Variants in DCAF10 observed in about 807,000 individuals in gnomAD.
DCAF10 encodes the protein DDB1 and CUL4 associated factor 10.
DCAF10 carries 19 observed loss-of-function variants against 51.9 expected under a neutral mutation model. The ratio of observed to expected loss-of-function variants is 0.37; its 90% CI spans 0.26 to 0.54. The LOEUF (loss-of-function observed/expected upper bound fraction) is 0.54, where lower values mean the gene tolerates loss of function less well. DCAF10 is among the 20% of genes least tolerant of loss of function. The pLI, the probability that DCAF10 is intolerant of heterozygous loss-of-function variation, is 0.87. For missense variants in DCAF10, 510 were observed against 730.6 expected (o/e 0.70, Z 3.48); for synonymous variants, 291 against 297.1 (o/e 0.98, Z 0.21).
intron 3 of DCAF10, among the ~76,000 whole-genome samples, chr9:37,853,970 T>C (rs1830770123): frequency 6.6e-6 from 1 of 152,202 alleles, no homozygotes; most frequent in African/African-American, 2.4e-5. Context: ...ACATTTCTTC[T>C]GGATTTAATG....
intron 1 of DCAF10, among the ~76,000 whole-genome samples, chr9:37,811,325 C>T (rs896160478): frequency 1.3e-5 from 2 of 152,136 alleles, no homozygotes; most frequent in African/African-American, 4.8e-5. Flanking sequence ...AAGCAAGACC[C>T]TGTCTCTAAA....
At chr9:37,847,236 A>G (rs1830500920) in intron 3 of DCAF10, among the ~76,000 whole-genome samples, 1 of 146,368 alleles carries the variant, frequency 6.8e-6, no homozygotes, top group Non-Finnish European at 1.5e-5. Flanking sequence ...CTGGGGCACA[A>G]GAGTGAAACT....
At chr9:37,817,068 G>A (rs1192741682) in intron 1 of DCAF10, among the ~76,000 whole-genome samples, 1 of 152,040 alleles carries the variant, frequency 6.6e-6, no homozygotes, top group African/African-American at 2.4e-5. Context: ...ATATACAGTC[G>A]AAGAACAAAA....
chr9:37,838,772 T>G (rs1259519906), intron 2 of DCAF10, among the ~76,000 whole-genome samples: 1 of 151,448 alleles, frequency 6.6e-6, no homozygotes, highest in Non-Finnish European at 1.5e-5. Flanking sequence ...GCACCTGTAA[T>G]CCCAGCTACT....
rs191630054 is a variant in DCAF10 at position 37,800,932 on chromosome 9, G to C, written c.66G>C (p.Pro22=). 5.3e-5 allele frequency: 79 copies of C among 1,494,740 alleles called. No individual in the cohort carries two copies. Among genetic ancestry groups the C allele is most frequent in the Non-Finnish European group, 6.7e-5 (76 of 1,129,660 alleles). 92.6% of individuals were successfully genotyped at this position (1,494,740 alleles called of 1,614,324 possible). Residue 22 remains proline, a synonymous_variant, in exon 1 of 7, where the codon CCG becomes CCC. Transcript: ENST00000377724. The stretch of plus-strand genomic sequence containing the variant: ...CGGCCGGAGCCGGGGCTGAGGAGCC[G>C]ACGCCCCACGAGGGGCAGGCAGCAG... ...DGSAGAGAEE[P]TPHEGQAAAT...
chr9:37,857,669 C>T (rs16934498), intron 5 of DCAF10, among the ~76,000 whole-genome samples: 4,486 of 152,176 alleles, frequency 0.029, 222 homozygotes, highest in African/African-American at 0.1. Context: ...AGATTATGCA[C>T]GTGAAAGCTC....
At chr9:37,840,349 C>T (rs1447188444) in intron 2 of DCAF10, among the ~76,000 whole-genome samples, 1 of 152,212 alleles carries the variant, frequency 6.6e-6, no homozygotes, top group African/African-American at 2.4e-5. Flanking sequence ...GATGACAGCT[C>T]TGTTCCTGTT....
intron 4 of DCAF10, among the ~76,000 whole-genome samples, chr9:37,856,285 T>C (rs1220470171): frequency 1.3e-5 from 2 of 152,234 alleles, no homozygotes; most frequent in Admixed American, 1.3e-4. Flanking sequence ...AGTAGAAATT[T>C]AAGTTTTACC....
intron 3 of DCAF10, among the ~76,000 whole-genome samples, chr9:37,845,404 A>G (rs1038280187): frequency 1.3e-5 from 2 of 152,220 alleles, no homozygotes; most frequent in African/African-American, 4.8e-5. Flanking sequence ...AAAGGAGACA[A>G]CAATATAGAA....
chr9:37,819,585 T>C (rs1376963309), intron 2 of DCAF10, among the ~76,000 whole-genome samples, 184 bp downstream of exon 2: 1 of 152,220 alleles, frequency 6.6e-6, no homozygotes, highest in Non-Finnish European at 1.5e-5. Flanking sequence ...CTTAGCTATG[T>C]TGGATTGGAA....
chr9:37,816,659 G>GGGGGGGGTGTGTGTGTGTGT lies in DCAF10; in HGVS notation c.540-2628_540-2627insGGGGGGTGTGTGTGTGTGTG, dbSNP rs372664140. ...AATCTCAATTAACATCTGCACCTGG[G>GGGGGGGGTGTGTGTGTGTGT]GTGTGTGTGTGTGTGTGTGTGTGTG... On this transcript the variant is annotated intron_variant, in intron 1 of 6. Coordinates refer to ENST00000377724, the MANE Select transcript of DCAF10 (RefSeq NM_024345.5). 1.1e-3 allele frequency among the ~76,000 whole-genome samples: 161 copies of GGGGGGGGTGTGTGTGTGTGT among 144,964 alleles called. 1 individual carries two copies. Among genetic ancestry groups the GGGGGGGGTGTGTGTGTGTGT allele is most frequent in the East Asian group, 3.3e-3 (16 of 4,922 alleles).
chr9:37,811,724 T>C (rs999524278), intron 1 of DCAF10, among the ~76,000 whole-genome samples: 2 of 152,122 alleles, frequency 1.3e-5, no homozygotes, highest in African/African-American at 4.8e-5. Context: ...GATTAAGATA[T>C]GTCATAAGAT....
At chr9:37,855,427 G>C (rs914803326) in intron 4 of DCAF10, among the ~76,000 whole-genome samples, 2 of 152,148 alleles carry the variant, frequency 1.3e-5, no homozygotes, top group African/African-American at 4.8e-5. Context: ...CAGGTAGCTG[G>C]TGCCATCTTA....
In DCAF10 at chr9:37,842,272, T is replaced by C. The variant is rs748556704; in HGVS notation, c.837T>C (p.Ile279=). ...CAGGATTTGATGGAAATGTCATTATTTGGGACACTAACAGGTTTGTGAATA... is the reference window on the plus strand; with the variant it reads ...CAGGATTTGATGGAAATGTCATTATCTGGGACACTAACAGGTTTGTGAATA... ...VTSGFDGNVI[I]WDTNRYTEDG... Residue 279 remains isoleucine, a synonymous_variant, in exon 3 of 7, where the codon ATT becomes ATC. Transcript: ENST00000377724. 2.5e-6 allele frequency: 4 copies of C among 1,613,164 alleles called. No homozygotes were observed. The highest frequency in any genetic ancestry group is 1.7e-5 in the Admixed American group (1 of 59,858).
At position 37,801,527 on chromosome 9, in the gene DCAF10, G is replaced by C; in HGVS notation, c.539+122G>C. ...GTTAGCGAGGCCGTTTGGGGCCGCTGGCCTTCGTGCCTCCTGGCACTTTCT... is the reference window on the plus strand; with the variant it reads ...GTTAGCGAGGCCGTTTGGGGCCGCTCGCCTTCGTGCCTCCTGGCACTTTCT... On this transcript the variant is annotated intron_variant, in intron 1 of 6. Transcript: ENST00000377724. The surrounding 1 kb of genome is among the most constrained non-coding windows in gnomAD (Gnocchi z 5.5). 1.7e-6 allele frequency: 2 copies of C among 1,194,736 alleles called. No homozygotes were observed. Among genetic ancestry groups the C allele is most frequent in the South Asian group, 4.5e-5 (2 of 44,284 alleles). The allele number at this position is 1,194,736 out of a possible 1,614,324, so 74.0% of individuals were successfully genotyped here.
rs1564057762 is a variant in DCAF10 at position 37,864,597 on chromosome 9, A to AAAT, written c.*3091_*3092insTAA. ...AGACTCTGCCTCAAAAAAAAAAAAA[A>AAAT]AAATAAAATAAAATAAAATTAGTTT... On this transcript the variant is annotated 3_prime_UTR_variant, in exon 7 of 7. Transcript: ENST00000377724. The AAAT allele has an allele frequency of 9.1e-6, 1 of 110,386 alleles. No homozygotes were observed. Among genetic ancestry groups the AAAT allele is most frequent in the Non-Finnish European group, 1.9e-5 (1 of 51,982 alleles). 6.8% of individuals were successfully genotyped at this position (110,386 alleles called of 1,614,324 possible).
chr9:37,858,419 A>T (rs1830914537), intron 5 of DCAF10: 1 of 152,226 alleles, frequency 6.6e-6, no homozygotes, highest in African/African-American at 2.4e-5. Flanking sequence ...GGCTTCTAAT[A>T]ATCATTGAGA....
rs1450514857 is a variant in DCAF10, at chr9:37,818,722, A to G, written c.540-566A>G. Among the ~76,000 whole-genome samples the G allele has an allele frequency of 2.0e-5, 3 of 152,202 alleles. No individual in the cohort carries two copies. In the East Asian group the frequency reaches 5.8e-4, roughly 29 times the overall value. On this transcript the variant is annotated intron_variant, in intron 1 of 6. Coordinates refer to ENST00000377724, the MANE Select transcript of DCAF10 (RefSeq NM_024345.5). ...GAAGAAATATATAATTTGGTTGTAT[A>G]TGAATTTCCCGTAAGTTGTCTCATC...
chr9:37,830,028 G>T (rs1284319750), intron 2 of DCAF10, among the ~76,000 whole-genome samples: 1 of 152,070 alleles, frequency 6.6e-6, no homozygotes, highest in Non-Finnish European at 1.5e-5. Flanking sequence ...GAAGAAGAAA[G>T]AAATTAATGC....
Sources: allele counts gnomAD v4.1 joint callset (sites outside exome capture counted in the v4.1 genomes callset), GRCh38; gene constraint gnomAD v4.1.1; non-coding constraint Gnocchi (gnomAD v3.1); transcripts MANE v1.5; gene names NCBI Gene and HGNC (gene_info 2026-07-23, HGNC 2026-07-21).